GDA: variants seen among roughly 807,000 people sequenced by gnomAD.
GDA encodes guanine deaminase.
In GDA, 18 loss-of-function variants were observed where a neutral mutation model predicts 59.6. That is an observed-to-expected ratio of 0.30 (90% CI 0.21 to 0.45). GDA has a LOEUF of 0.45. GDA is among the 20% of genes least tolerant of loss of function. GDA has a pLI of 1.00. For missense variants in GDA, 427 were observed against 552.3 expected, an observed-to-expected ratio of 0.77 and a Z score of 2.27; for synonymous variants, 201 against 201.1, an observed-to-expected ratio of 1.00 and a Z score of 0.00.
At chr9:72,246,452 T>C (rs900773963) in intron 12 of GDA, among the ~76,000 whole-genome samples, 1 of 152,238 alleles carries the variant, frequency 6.6e-6, no homozygotes, top group African/African-American at 2.4e-5. Context: ...CCGGCCTATT[T>C]AATATAAATT....
In GDA at chr9:72,228,028, A is replaced by G. The variant is rs148310315; in HGVS notation, c.908A>G (p.Asn303Ser). 17 of 1,553,546 alleles carry G rather than the reference A, an allele frequency of 1.1e-5. No homozygotes were observed. Among genetic ancestry groups the G allele is most frequent in the African/African-American group, 4.1e-5 (3 of 73,828 alleles). Reference protein sequence around the residue: ...ERGASIAHCPNSNLSLSSGFL... With the variant: ...ERGASIAHCPSSNLSLSSGFL... ...GGAGCATCCATCGCACACTGTCCCA[A>G]TTCTAATTTATCGTAAGTAGACAAT... is the stretch of plus-strand genomic sequence containing the variant. Residue 303 changes from asparagine to serine, a missense_variant, in exon 9 of 14, where the codon AAT becomes AGT. Asn to Ser is a conservative substitution (Grantham distance 46). Transcript: ENST00000358399.
chr9:72,152,714 T>A (rs1032379367), intron 1 of GDA, among the ~76,000 whole-genome samples: 3 of 152,162 alleles, frequency 2.0e-5, no homozygotes, highest in African/African-American at 7.2e-5. Context: ...GAGTAGGTTG[T>A]GAAAATTTTC....
At chr9:72,139,360 C>G (rs1379780644) in intron 1 of GDA, among the ~76,000 whole-genome samples, 1 of 152,130 alleles carries the variant, frequency 6.6e-6, no homozygotes, top group Non-Finnish European at 1.5e-5. Flanking sequence ...TCAAAATGTC[C>G]CATACTGGGA....
chr9:72,249,409 C>G lies in GDA; in HGVS notation c.*1067C>G. ...GAAATATTGTTAAAAATCTTTAAAC[C>G]CTGTGTATTGAAAGCACTCTATTTT... On this transcript the variant is annotated 3_prime_UTR_variant, in exon 14 of 14. Transcript: ENST00000358399. 2 of 949,496 alleles carry G rather than the reference C, an allele frequency of 2.1e-6. No individual in the cohort carries two copies. The highest frequency in any genetic ancestry group is 2.5e-6 in the Non-Finnish European group (2 of 797,436). The allele number at this position is 949,496 out of a possible 1,614,324, so 58.8% of individuals were successfully genotyped here.
chr9:72,236,386 T>G (rs1338052561), intron 10 of GDA, among the ~76,000 whole-genome samples: 1 of 152,210 alleles, frequency 6.6e-6, no homozygotes, highest in Non-Finnish European at 1.5e-5. Flanking sequence ...CAGCGTTTTC[T>G]CATTTCTTCT....
chr9:72,147,668 T>A (rs1257769650), upstream of GDA, among the ~76,000 whole-genome samples: 1 of 152,132 alleles, frequency 6.6e-6, no homozygotes, highest in Admixed American at 6.5e-5. Context: ...ATCAAAAAAA[T>A]TATTAACCGT....
At chr9:72,207,954 T>A (rs1004870276) in intron 3 of GDA, among the ~76,000 whole-genome samples, 1 of 151,702 alleles carries the variant, frequency 6.6e-6, no homozygotes, top group Non-Finnish European at 1.5e-5. Flanking sequence ...AAAAAAAAAA[T>A]AGCTAGGCAT....
intron 3 of GDA, among the ~76,000 whole-genome samples, chr9:72,205,392 A>T (rs567534182): frequency 1.3e-5 from 2 of 152,180 alleles, no homozygotes; most frequent in Admixed American, 1.3e-4. Flanking sequence ...TAATTAGGGC[A>T]CTTCCTGAAC....
chr9:72,214,778 G>T, intron 5 of GDA: 1 of 316,098 alleles, frequency 3.2e-6, no homozygotes, highest in Non-Finnish European at 6.0e-6. Flanking sequence ...CTGTCACCCA[G>T]GCTGGAGTGC....
At chr9:72,244,415 A>G (rs535322899) in intron 11 of GDA, among the ~76,000 whole-genome samples, 1 of 152,194 alleles carries the variant, frequency 6.6e-6, no homozygotes, top group East Asian at 1.9e-4. Context: ...CATGAATTGT[A>G]GCTATGAGAT....
chr9:72,219,371 C>G (rs1359034602), intron 5 of GDA, 108 bp from the exon 6 acceptor site: 3 of 769,590 alleles, frequency 3.9e-6, no homozygotes, highest in Non-Finnish European at 6.3e-6. Flanking sequence ...CCACTTCACT[C>G]CAGCCTGGGC....
At chr9:72,150,082 A>G (rs187051225) in intron 1 of GDA, among the ~76,000 whole-genome samples, 47 of 152,160 alleles carry the variant, frequency 3.1e-4, no homozygotes, top group Non-Finnish European at 5.7e-4. Context: ...GAGGCTCTCC[A>G]TAAATGTGGT....
At position 72,140,416 on chromosome 9, in the gene GDA, T is replaced by C. The variant is rs748255564; in HGVS notation, c.-100+25583T>C. 1.2e-3 allele frequency among the ~76,000 whole-genome samples: 189 copies of C among 151,918 alleles called. 1 individual carries two copies. The highest frequency in any genetic ancestry group is 5.6e-4 in the Non-Finnish European group (38 of 67,924). ...GGAGGAAAGAGGGCAGAGAGAGAAG[T>C]TGGGTGCTGTAGACAGTGATTGAAC... On this transcript the variant is annotated intron_variant, in intron 1 of 13. Coordinates refer to the GDA transcript ENST00000545168.
intron 1 of GDA, among the ~76,000 whole-genome samples, chr9:72,121,457 C>T (rs1389199834): frequency 2.0e-5 from 3 of 152,094 alleles, no homozygotes; most frequent in African/African-American, 4.8e-5. Flanking sequence ...ATTAGCTGGG[C>T]GTGGTGGCAG....
intron 1 of GDA, among the ~76,000 whole-genome samples, chr9:72,192,533 A>G (rs1391667977): frequency 1.3e-5 from 2 of 150,568 alleles, no homozygotes; most frequent in African/African-American, 4.9e-5. Context: ...CCTGGCCTCA[A>G]ATAGCCTATT....
intron 1 of GDA, among the ~76,000 whole-genome samples, chr9:72,165,968 A>G (rs1029212240): frequency 2.0e-5 from 3 of 151,994 alleles, no homozygotes; most frequent in Non-Finnish European, 2.9e-5. Context: ...CCCTTCCCCA[A>G]GGGAAGAGAG....
chr9:72,246,591 C>T (rs1192800494), intron 12 of GDA, among the ~76,000 whole-genome samples: 1 of 151,802 alleles, frequency 6.6e-6, no homozygotes, highest in Admixed American at 6.6e-5. Flanking sequence ...AGAGTGTGGT[C>T]CAGTGGTAAT....
At chr9:72,122,038 G>A (rs1480289359) in intron 1 of GDA, among the ~76,000 whole-genome samples, 3 of 152,150 alleles carry the variant, frequency 2.0e-5, no homozygotes, top group Non-Finnish European at 4.4e-5. Flanking sequence ...TGTTGAGATA[G>A]ATCAGACCTG....
intron 1 of GDA, among the ~76,000 whole-genome samples, chr9:72,124,168 G>T (rs1480505265): frequency 1.3e-5 from 2 of 152,156 alleles, no homozygotes; most frequent in African/African-American, 4.8e-5. Context: ...CTATATAGTG[G>T]AAACCACCTA....
Sources: gnomAD v4.1 joint callset for allele counts (sites outside exome capture counted in the v4.1 genomes callset) on GRCh38, gnomAD v4.1.1 for gene constraint, MANE v1.5 for transcripts, NCBI Gene and HGNC (gene_info 2026-07-23, HGNC 2026-07-21) for gene names.